FAM149B1: variants seen among roughly 807,000 people sequenced by gnomAD.
FAM149B1 encodes family with sequence similarity 149 member B1.
A neutral mutation model predicts 75.3 loss-of-function variants in FAM149B1; 56 were observed. The observed-to-expected ratio is 0.74, with a 90% CI of 0.60 to 0.93. The LOEUF (loss-of-function observed/expected upper bound fraction) is 0.93. Among genes scored for constraint, FAM149B1 ranks in the 40% least tolerant of loss-of-function variants. FAM149B1 has a pLI of 0.00. For missense variants in FAM149B1, 639 were observed against 708.4 expected (o/e 0.90, Z 1.11); for synonymous variants, 259 against 256.1 (o/e 1.01, Z -0.11).
In FAM149B1 at chr10:73,234,449, G is replaced by A. The variant is rs1589194587; in HGVS notation, c.1353-368G>A. 1.9e-5 allele frequency: 4 copies of A among 206,342 alleles called. No individual in the cohort carries two copies. In the East Asian group the frequency reaches 3.7e-4, roughly 19 times the overall value. 12.8% of individuals were successfully genotyped at this position (206,342 alleles called of 1,614,324 possible). ...TTTACCCGAGAACTATAGTTATTAGGGAAAACGATAACCAGAAGGTCCAGA... is the reference window on the plus strand; with the variant it reads ...TTTACCCGAGAACTATAGTTATTAGAGAAAACGATAACCAGAAGGTCCAGA... On this transcript the variant is annotated intron_variant, in intron 10 of 13. Transcript: ENST00000242505.
intron 9 of FAM149B1, chr10:73,231,160 G>A (rs866345609): frequency 6.6e-6 from 1 of 152,226 alleles, no homozygotes; most frequent in African/African-American, 2.4e-5. Flanking sequence ...ACGTTGTTGT[G>A]TATGACCTCC....
intron 13 of FAM149B1, among the ~76,000 whole-genome samples, chr10:73,240,012 A>G (rs1322788382): frequency 6.6e-6 from 1 of 152,086 alleles, no homozygotes; most frequent in Non-Finnish European, 1.5e-5. Flanking sequence ...GTAGCCTCGA[A>G]CTCCGGGGCT....
chr10:73,168,512 C>A, intron 1 of FAM149B1, 126 bp downstream of exon 1: 1 of 1,150,656 alleles, frequency 8.7e-7, no homozygotes, highest in Non-Finnish European at 1.2e-6. Flanking sequence ...GAATTCTCTC[C>A]TCTCAGCCCT....
Position 73,235,494 on chromosome 10 carries a change from A to G in FAM149B1, c.1602+176A>G, listed in dbSNP as rs2043801132. ...TTGTTCAAATTCTAACTAGTCCCTG[A>G]TGCCTATTCTTTAATGCCTTATACA... On this transcript the variant is annotated intron_variant, in intron 12 of 13. Coordinates refer to ENST00000242505, the MANE Select transcript of FAM149B1 (RefSeq NM_173348.2). 10 of 1,392,052 alleles carry G rather than the reference A, an allele frequency of 7.2e-6. No individual in the cohort carries two copies. In the South Asian group the frequency reaches 1.2e-4, roughly 17 times the overall value. 86.2% of individuals were successfully genotyped at this position (1,392,052 alleles called of 1,614,324 possible).
intron 5 of FAM149B1, among the ~76,000 whole-genome samples, chr10:73,197,738 C>G (rs1478143164): frequency 6.6e-6 from 1 of 151,944 alleles, no homozygotes; most frequent in Non-Finnish European, 1.5e-5. Context: ...TCACTGCACT[C>G]CAGCCTGGTG....
chr10:73,196,203 T>G (rs1368664558), intron 5 of FAM149B1, among the ~76,000 whole-genome samples: 2 of 152,136 alleles, frequency 1.3e-5, no homozygotes, highest in African/African-American at 2.4e-5. Flanking sequence ...TTAAGGAGAC[T>G]TACTTTGAGA....
intron 3 of FAM149B1, among the ~76,000 whole-genome samples, chr10:73,182,820 C>T (rs2395010): frequency 1 from 152,336 of 152,340 alleles, 76,166 homozygotes; most frequent in Non-Finnish European, 1. Context: ...TCCTGACCCA[C>T]ATAAACCCGG....
At chr10:73,220,264 A>G (rs2043380518) in intron 7 of FAM149B1, among the ~76,000 whole-genome samples, 1 of 152,178 alleles carries the variant, frequency 6.6e-6, no homozygotes, top group African/African-American at 2.4e-5. Context: ...TCTTAAAAGA[A>G]AAATAACAAG....
At chr10:73,193,191 A>G (rs543602647) in intron 4 of FAM149B1, among the ~76,000 whole-genome samples, 50 of 152,222 alleles carry the variant, frequency 3.3e-4, no homozygotes, top group African/African-American at 1.2e-3. Context: ...GACTGATTTA[A>G]TGAGGACTAT....
rs1365458878 is a variant in FAM149B1 at position 73,241,293 on chromosome 10, A to AC, written c.*277dup. 4.8e-6 allele frequency: 2 copies of AC among 412,790 alleles called. No homozygotes were observed. The highest frequency in any genetic ancestry group is 9.1e-6 in the Non-Finnish European group (2 of 220,884). The allele number at this position is 412,790 out of a possible 1,614,324, so 25.6% of individuals were successfully genotyped here. A position where few individuals can be genotyped will look rare whatever the true frequency, so the allele number is the denominator to read the frequency against. On this transcript the variant is annotated 3_prime_UTR_variant, in exon 14 of 14. Transcript: ENST00000242505. ...ACCCAAAGATGCAACAGTGAATAAT[A>AC]CCCAAATCACTGCTCATGTTATCTC...
chr10:73,244,165 G>GT lies in FAM149B1; in HGVS notation c.*3147dup. On this transcript the variant is annotated 3_prime_UTR_variant, in exon 14 of 14. Coordinates refer to ENST00000242505, the MANE Select transcript of FAM149B1 (RefSeq NM_173348.2). ...TACCCAATTCTATTTGCTAGAGGTA[G>GT]TAAGTACTCTGGCACTCATAAATCA... 1 of 521,100 alleles carries GT rather than the reference G, an allele frequency of 1.9e-6. No homozygotes were observed. Among genetic ancestry groups the GT allele is most frequent in the South Asian group, 2.3e-5 (1 of 43,172 alleles). The allele number at this position is 521,100 out of a possible 1,614,324, so 32.3% of individuals were successfully genotyped here. A position where few individuals can be genotyped will look rare whatever the true frequency, so the allele number is the denominator to read the frequency against.
At chr10:73,197,193 G>A (rs571906771) in intron 5 of FAM149B1, among the ~76,000 whole-genome samples, 2 of 111,006 alleles carry the variant, frequency 1.8e-5, no homozygotes, top group East Asian at 4.0e-4. Flanking sequence ...CAGCAGAGAT[G>A]GGTTTCACCA....
At chr10:73,199,877 AG>A (rs1235950685) in intron 5 of FAM149B1, 2 of 179,932 alleles carry the variant, frequency 1.1e-5, no homozygotes, top group African/African-American at 2.4e-5. Flanking sequence ...AGACCCAGAG[AG>A]AATGGACCCT....
chr10:73,235,506 T>C, intron 12 of FAM149B1, 188 bp downstream of exon 12: 1 of 1,309,022 alleles, frequency 7.6e-7, no homozygotes, highest in Non-Finnish European at 1.0e-6. Flanking sequence ...GCCTATTCTT[T>C]AATGCCTTAT....
chr10:73,244,220 G>C lies in FAM149B1; in HGVS notation c.*3201G>C, dbSNP rs1426173021. On this transcript the variant is annotated 3_prime_UTR_variant, in exon 14 of 14. Transcript: ENST00000242505. ...ATGATAAAAAGGAACATGAGGCCGGGTATGGTGGCTCACAACTGTAATCCC... is the reference window on the plus strand; with the variant it reads ...ATGATAAAAAGGAACATGAGGCCGGCTATGGTGGCTCACAACTGTAATCCC... 1 of 350,968 alleles carries C rather than the reference G, an allele frequency of 2.8e-6. No individual in the cohort carries two copies. Among genetic ancestry groups the C allele is most frequent in the Non-Finnish European group, 5.2e-6 (1 of 192,220 alleles). 21.7% of individuals were successfully genotyped at this position (350,968 alleles called of 1,614,324 possible). A position where few individuals can be genotyped will look rare whatever the true frequency, so the allele number is the denominator to read the frequency against.
At chr10:73,210,537 G>A (rs772893830) in intron 7 of FAM149B1, 99 bp downstream of exon 7, 14 of 814,146 alleles carry the variant, frequency 1.7e-5, no homozygotes, top group South Asian at 1.3e-4. Context: ...CAAAAGGTGC[G>A]TATGGGCCAG....
At chr10:73,169,587 G>C (rs1843617211) in intron 1 of FAM149B1, among the ~76,000 whole-genome samples, 1 of 151,726 alleles carries the variant, frequency 6.6e-6, no homozygotes, top group African/African-American at 2.4e-5. Flanking sequence ...CTCTTGAGTA[G>C]CTGAGACTAC....
At chr10:73,186,975 G>A (rs1387183183) in intron 3 of FAM149B1, among the ~76,000 whole-genome samples, 2 of 152,118 alleles carry the variant, frequency 1.3e-5, no homozygotes, top group African/African-American at 4.8e-5. Context: ...GTACAACTGC[G>A]AATATACTAA....
chr10:73,239,147 T>C (rs976907334), intron 12 of FAM149B1, 165 bp from the exon 13 acceptor site: 2 of 556,298 alleles, frequency 3.6e-6, no homozygotes, highest in African/African-American at 3.8e-5. Flanking sequence ...GGCTTGGGAT[T>C]TTCTACTTGA....
Sources: allele counts gnomAD v4.1 joint callset (sites outside exome capture counted in the v4.1 genomes callset), GRCh38; gene constraint gnomAD v4.1.1; transcripts MANE v1.5; gene names NCBI Gene and HGNC (gene_info 2026-07-23, HGNC 2026-07-21).